MAF: variants seen among roughly 807,000 people sequenced by gnomAD.
MAF encodes transcription factor Maf.
In MAF, 10 loss-of-function variants were observed where a neutral mutation model predicts 22.0. That is an observed-to-expected ratio of 0.45 (90% CI 0.28 to 0.77). The LOEUF (loss-of-function observed/expected upper bound fraction) is 0.77, where lower values mean the gene tolerates loss of function less well. Among genes scored for constraint, MAF ranks in the 30% least tolerant of loss-of-function variants. The pLI is 0.12. For synonymous variants in MAF, 337 were observed against 255.8 expected (o/e 1.32, Z -3.03); for missense variants, 544 against 548.4 (o/e 0.99, Z 0.08).
chr16:79,497,267 G>A, the MAF span, among the ~76,000 whole-genome samples: 1 of 152,178 alleles, frequency 6.6e-6, no homozygotes. Flanking sequence ...AAGGCTTATT[G>A]TAAGGCTGTT....
the MAF span, among the ~76,000 whole-genome samples, chr16:79,306,201 G>A: frequency 6.6e-6 from 1 of 152,178 alleles, no homozygotes; most frequent in Non-Finnish European, 1.5e-5. Context: ...TCAGATGCAG[G>A]ACTGCCCCAA....
the MAF span, chr16:79,203,952 A>G: frequency 1.3e-5 from 2 of 152,214 alleles, no homozygotes; most frequent in African/African-American, 2.4e-5. Context: ...ATCTTCTTTT[A>G]TATCTTATAA....
chr16:79,416,618 G>A, the MAF span, among the ~76,000 whole-genome samples: 2 of 152,064 alleles, frequency 1.3e-5, no homozygotes, highest in Non-Finnish European at 2.9e-5. Context: ...TTTTACAGAT[G>A]AAGAAATAGA....
chr16:79,342,501 A>T, the MAF span, among the ~76,000 whole-genome samples: 1 of 152,010 alleles, frequency 6.6e-6, no homozygotes, highest in Non-Finnish European at 1.5e-5. Flanking sequence ...GGTGGCCCTA[A>T]ATTTCCTGGG....
At chr16:79,215,308 C>T in the MAF span, among the ~76,000 whole-genome samples, 16 of 152,084 alleles carry the variant, frequency 1.1e-4, no homozygotes, top group Non-Finnish European at 1.9e-4. Flanking sequence ...TCTGGAACTC[C>T]TGGCCTTAAG....
At chr16:79,582,626 G>C (rs1246128920), downstream of MAF, among the ~76,000 whole-genome samples, 1 of 152,180 alleles carries the variant, frequency 6.6e-6, no homozygotes, top group Non-Finnish European at 1.5e-5. Flanking sequence ...GTGGTAGTTA[G>C]GGAGGAGTAT....
chr16:79,304,913 A>G, the MAF span, among the ~76,000 whole-genome samples: 1 of 152,196 alleles, frequency 6.6e-6, no homozygotes, highest in Non-Finnish European at 1.5e-5. Flanking sequence ...CTTGGATTAT[A>G]CTTGGCGCCT....
the MAF span, among the ~76,000 whole-genome samples, chr16:79,277,584 C>A: frequency 6.6e-6 from 1 of 152,118 alleles, no homozygotes; most frequent in Non-Finnish European, 1.5e-5. Flanking sequence ...ACTATTGTAT[C>A]TGCTAACAGA....
At chr16:79,223,973 C>T in the MAF span, among the ~76,000 whole-genome samples, 2 of 152,088 alleles carry the variant, frequency 1.3e-5, no homozygotes, top group East Asian at 3.9e-4. Flanking sequence ...CTATTGCAAA[C>T]AATAGGAAAA....
chr16:79,439,833 G>C, the MAF span, among the ~76,000 whole-genome samples: 1 of 152,208 alleles, frequency 6.6e-6, no homozygotes, highest in Non-Finnish European at 1.5e-5. Flanking sequence ...GACCGAAACA[G>C]ATCACAGGGG....
the MAF span, among the ~76,000 whole-genome samples, chr16:79,515,411 C>T: frequency 3.9e-5 from 6 of 152,178 alleles, no homozygotes; most frequent in Non-Finnish European, 2.9e-5. Context: ...CTGTTTTTCA[C>T]TTTCAGTACA....
At chr16:79,444,454 T>G in the MAF span, among the ~76,000 whole-genome samples, 1 of 152,192 alleles carries the variant, frequency 6.6e-6, no homozygotes, top group South Asian at 2.1e-4. Flanking sequence ...TTATATAGCC[T>G]TGGGCAAGTT....
At chr16:79,396,455 T>A in the MAF span, among the ~76,000 whole-genome samples, 1 of 152,152 alleles carries the variant, frequency 6.6e-6, no homozygotes, top group African/African-American at 2.4e-5. Flanking sequence ...TTTTTATACA[T>A]CCCCAAGATG....
At chr16:79,251,748 C>A in the MAF span, among the ~76,000 whole-genome samples, 3 of 152,212 alleles carry the variant, frequency 2.0e-5, no homozygotes, top group Non-Finnish European at 2.9e-5. Flanking sequence ...AAAGAGCCAA[C>A]GCTGGGGGCC....
the MAF span, among the ~76,000 whole-genome samples, chr16:79,450,344 A>T: frequency 1.3e-5 from 2 of 152,216 alleles, no homozygotes; most frequent in Non-Finnish European, 1.5e-5. Context: ...TCAACAGACT[A>T]CCACAAAATG....
At chr16:79,541,749 G>A in the MAF span, among the ~76,000 whole-genome samples, 8 of 146,544 alleles carry the variant, frequency 5.5e-5, no homozygotes, top group Admixed American at 2.1e-4. Flanking sequence ...CTCCACCTCC[G>A]GGTTCAAGAG....
the MAF span, among the ~76,000 whole-genome samples, chr16:79,405,486 G>A: frequency 2.6e-5 from 4 of 152,162 alleles, no homozygotes; most frequent in Non-Finnish European, 4.4e-5. Context: ...AACTTTCATT[G>A]TCTATGTAAA....
the MAF span, among the ~76,000 whole-genome samples, chr16:79,335,990 G>A: frequency 6.6e-6 from 1 of 152,212 alleles, no homozygotes; most frequent in African/African-American, 2.4e-5. Flanking sequence ...TTCTGGGGAT[G>A]TGGGACGGAG....
At chr16:79,391,946 G>A in the MAF span, among the ~76,000 whole-genome samples, 1 of 149,580 alleles carries the variant, frequency 6.7e-6, no homozygotes, top group Non-Finnish European at 1.5e-5. Context: ...GGGAAGAGGA[G>A]AAGGAGGAGG....
Sources: gnomAD v4.1 joint callset for allele counts (sites outside exome capture counted in the v4.1 genomes callset) on GRCh38, gnomAD v4.1.1 for gene constraint, MANE v1.5 for transcripts, NCBI Gene and HGNC (gene_info 2026-07-23, HGNC 2026-07-21) for gene names.